ANO3: variants seen among roughly 807,000 people sequenced by gnomAD.
The protein encoded by ANO3 is anoctamin 3.
Under a neutral mutation model 144.8 loss-of-function variants are expected in ANO3, and 99 were observed. The ratio of observed to expected loss-of-function variants is 0.68; its 90% CI spans 0.58 to 0.81. The LOEUF (loss-of-function observed/expected upper bound fraction) is 0.81, where lower values mean the gene tolerates loss of function less well. ANO3 is among the 30% of genes least tolerant of loss of function. The probability of loss-of-function intolerance (pLI) is 0.00; values close to 1 mark genes in which losing one functional copy is unlikely to be tolerated. For synonymous variants in ANO3, 414 were observed against 392.6 expected (o/e 1.05, Z -0.64); for missense variants, 905 against 1,202.2 (o/e 0.75, Z 3.66).
chr11:26,253,704 G>A (rs1242887554), intron 1 of ANO3, among the ~76,000 whole-genome samples: 1 of 152,118 alleles, frequency 6.6e-6, no homozygotes, highest in Non-Finnish European at 1.5e-5. Context: ...TGTAATGAGA[G>A]TCTTATCCAT....
chr11:26,541,827 T>G, intron 10 of ANO3, 120 bp from the exon 11 acceptor site: 4 of 918,862 alleles, frequency 4.4e-6, no homozygotes, highest in Non-Finnish European at 6.2e-6. Context: ...GGCTTAAGTT[T>G]ATCATTTTTG....
intron 1 of ANO3, among the ~76,000 whole-genome samples, chr11:26,352,898 C>T (rs1432457266): frequency 6.6e-6 from 1 of 152,178 alleles, no homozygotes; most frequent in Non-Finnish European, 1.5e-5. Flanking sequence ...ATAAGCTTAC[C>T]ATATCAGTGG....
At chr11:26,239,762 A>G (rs1409015065) in intron 1 of ANO3, among the ~76,000 whole-genome samples, 2 of 152,274 alleles carry the variant, frequency 1.3e-5, no homozygotes, top group Non-Finnish European at 2.9e-5. Context: ...TTCAATAAAT[A>G]TTTGTTCAAT....
At chr11:26,562,479 T>C (rs366748) in intron 14 of ANO3, among the ~76,000 whole-genome samples, 111,410 of 151,744 alleles carry the variant, frequency 0.73, 41,158 homozygotes, top group Admixed American at 0.8. Context: ...AAAACAAATA[T>C]CAAATTGATA....
intron 1 of ANO3, among the ~76,000 whole-genome samples, chr11:26,262,580 G>T (rs2133828685): frequency 6.6e-6 from 1 of 152,138 alleles, no homozygotes. Flanking sequence ...TAATGTTTGT[G>T]CCTGCCTCAA....
chr11:26,216,390 C>T (rs933194396), intron 1 of ANO3, among the ~76,000 whole-genome samples: 2 of 151,950 alleles, frequency 1.3e-5, no homozygotes, highest in African/African-American at 4.8e-5. Context: ...TAGAGAATCT[C>T]ATATAATTTG....
intron 1 of ANO3, among the ~76,000 whole-genome samples, chr11:26,315,208 T>C (rs1414210281): frequency 6.6e-6 from 1 of 152,186 alleles, no homozygotes; most frequent in Non-Finnish European, 1.5e-5. Context: ...TTACCTATTA[T>C]TTCCTATCTA....
At chr11:26,612,117 T>C (rs1246393054) in intron 17 of ANO3, among the ~76,000 whole-genome samples, 1 of 152,180 alleles carries the variant, frequency 6.6e-6, no homozygotes, top group Non-Finnish European at 1.5e-5. Context: ...TTATCATTGA[T>C]AGATAAGGAC....
chr11:26,199,150 T>C (rs927620309), intron 1 of ANO3, among the ~76,000 whole-genome samples: 1 of 152,054 alleles, frequency 6.6e-6, no homozygotes, highest in Non-Finnish European at 1.5e-5. Context: ...AACATTAATC[T>C]GTGCCCGCAG....
chr11:26,542,126 AG>A lies in ANO3; in HGVS notation c.1154+59del, dbSNP rs1740832129. On this transcript the variant is annotated intron_variant, in intron 11 of 26. Coordinates refer to ENST00000256737, the MANE Select transcript of ANO3 (RefSeq NM_031418.4). ...GTATTCTGTTTTGTGTCATTGTCTT[AG>A]ACTTGGAATTATTTATTGTGCTCAC... 8.3e-6 allele frequency: 13 copies of A among 1,557,028 alleles called. No individual in the cohort carries two copies. In the South Asian group the frequency reaches 1.5e-4, roughly 17 times the overall value.
At chr11:26,653,032 C>T (rs1204986136) in intron 24 of ANO3, among the ~76,000 whole-genome samples, 3 of 152,216 alleles carry the variant, frequency 2.0e-5, no homozygotes, top group African/African-American at 7.2e-5. Flanking sequence ...CATCTCTCAG[C>T]TTTAGTTTTG....
chr11:26,223,519 A>G (rs939167157), intron 1 of ANO3, among the ~76,000 whole-genome samples: 4 of 149,894 alleles, frequency 2.7e-5, no homozygotes, highest in Non-Finnish European at 5.9e-5. Context: ...TTCCAAAGCC[A>G]CTTCCACATT....
chr11:26,652,995 T>C (rs973384529), intron 24 of ANO3, among the ~76,000 whole-genome samples: 1 of 152,244 alleles, frequency 6.6e-6, no homozygotes, highest in Non-Finnish European at 1.5e-5. Context: ...CAGCCACACC[T>C]GCCAAGTCAT....
intron 1 of ANO3, among the ~76,000 whole-genome samples, chr11:26,199,137 G>T (rs983980024): frequency 6.6e-6 from 1 of 151,602 alleles, no homozygotes; most frequent in African/African-American, 2.4e-5. Flanking sequence ...TTCAAGGCCT[G>T]GTAACATTAA....
At chr11:26,246,845 C>CA (rs1444667880) in intron 1 of ANO3, among the ~76,000 whole-genome samples, 1 of 152,114 alleles carries the variant, frequency 6.6e-6, no homozygotes, top group African/African-American at 2.4e-5. Flanking sequence ...TGCCTACCTC[C>CA]ATGTAAGATG....
chr11:26,516,608 C>T (rs1465845776), intron 5 of ANO3, among the ~76,000 whole-genome samples: 1 of 151,878 alleles, frequency 6.6e-6, no homozygotes, highest in Non-Finnish European at 1.5e-5. Flanking sequence ...TGCACTAATG[C>T]ACATAGGTGG....
At chr11:26,488,810 G>A (rs12364680) in intron 4 of ANO3, among the ~76,000 whole-genome samples, 6 of 152,132 alleles carry the variant, frequency 3.9e-5, no homozygotes, top group East Asian at 3.9e-4. Context: ...CCACAGCCTC[G>A]AAAGGGACCC....
intron 4 of ANO3, among the ~76,000 whole-genome samples, chr11:26,507,598 G>T (rs1861486243): frequency 6.6e-6 from 1 of 152,102 alleles, no homozygotes; most frequent in African/African-American, 2.4e-5. Context: ...TGTAACACAA[G>T]AAATAAAATT....
At chr11:26,637,598 T>C (rs953736163) in intron 20 of ANO3, among the ~76,000 whole-genome samples, 1 of 152,200 alleles carries the variant, frequency 6.6e-6, no homozygotes, top group African/African-American at 2.4e-5. Flanking sequence ...AACCCATTTA[T>C]CAGATATATT....
Sources: gnomAD v4.1 joint callset for allele counts (sites outside exome capture counted in the v4.1 genomes callset) on GRCh38, gnomAD v4.1.1 for gene constraint, MANE v1.5 for transcripts, NCBI Gene and HGNC (gene_info 2026-07-23, HGNC 2026-07-21) for gene names.